DCDC1: variants seen among roughly 807,000 people sequenced by gnomAD.
The protein encoded by DCDC1 is doublecortin domain containing 1.
A neutral mutation model predicts 178.3 loss-of-function variants in DCDC1; 200 were observed. The ratio of observed to expected loss-of-function variants is 1.12; its 90% CI spans 1.00 to 1.26. The LOEUF (loss-of-function observed/expected upper bound fraction) is 1.26. DCDC1 is among the 50% of genes most tolerant of loss of function. The probability of loss-of-function intolerance (pLI) is 0.00; values close to 1 mark genes in which losing one functional copy is unlikely to be tolerated. For synonymous variants in DCDC1, 690 were observed against 604.8 expected, an observed-to-expected ratio of 1.14 and a Z score of -2.07; for missense variants, 1,983 against 1,749.2, an observed-to-expected ratio of 1.13 and a Z score of -2.38.
chr11:30,986,031 G>T (rs1950622826), intron 20 of DCDC1, among the ~76,000 whole-genome samples: 1 of 152,096 alleles, frequency 6.6e-6, no homozygotes, highest in South Asian at 2.1e-4. Flanking sequence ...CATGATAGAG[G>T]TATGTTTTTC....
intron 20 of DCDC1, among the ~76,000 whole-genome samples, chr11:31,055,449 C>A (rs911713667): frequency 6.6e-5 from 10 of 152,124 alleles, no homozygotes; most frequent in Admixed American, 3.3e-4. Context: ...TGTGGAGATT[C>A]CTTAAGAACT....
chr11:31,081,329 G>C (rs1201350014), intron 17 of DCDC1, among the ~76,000 whole-genome samples: 1 of 152,164 alleles, frequency 6.6e-6, no homozygotes, highest in African/African-American at 2.4e-5. Flanking sequence ...AAGAAATAAG[G>C]CCGGGCATGG....
chr11:31,127,264 T>C (rs1459467347), intron 11 of DCDC1, among the ~76,000 whole-genome samples: 1 of 152,226 alleles, frequency 6.6e-6, no homozygotes, highest in East Asian at 1.9e-4. Flanking sequence ...TTAAAGCTTA[T>C]AAATACACAT....
intron 13 of DCDC1, 58 bp from the exon 14 acceptor site, chr11:31,103,827 G>T: frequency 1.4e-6 from 1 of 738,134 alleles, no homozygotes; most frequent in South Asian, 1.5e-5. Context: ...ATTGTAATTT[G>T]AGCACAAATA....
chr11:31,042,663 A>G (rs564443296), intron 20 of DCDC1, among the ~76,000 whole-genome samples: 11 of 152,328 alleles, frequency 7.2e-5, no homozygotes, highest in African/African-American at 2.2e-4. Flanking sequence ...TACAACCCAT[A>G]GATATCAAAC....
At chr11:31,104,578 A>T (rs749379692) in intron 13 of DCDC1, among the ~76,000 whole-genome samples, 9 of 152,154 alleles carry the variant, frequency 5.9e-5, no homozygotes, top group Non-Finnish European at 1.3e-4. Flanking sequence ...AAGGAAGTAT[A>T]TTTGGATACT....
chr11:31,363,343 C>A (rs139615042), intron 1 of DCDC1, among the ~76,000 whole-genome samples: 1 of 152,124 alleles, frequency 6.6e-6, no homozygotes, highest in Admixed American at 6.5e-5. Flanking sequence ...TGACACTAAT[C>A]TTATTTTAAA....
chr11:30,879,105 G>A (rs1004330241), intron 37 of DCDC1, among the ~76,000 whole-genome samples: 1 of 152,032 alleles, frequency 6.6e-6, no homozygotes, highest in African/African-American at 2.4e-5. Flanking sequence ...AATAGCTTCT[G>A]GTTTGTTTTG....
At chr11:30,959,404 T>C (rs549690018) in intron 20 of DCDC1, among the ~76,000 whole-genome samples, 2 of 152,208 alleles carry the variant, frequency 1.3e-5, no homozygotes, top group East Asian at 3.9e-4. Flanking sequence ...ACATGTTCAG[T>C]GAAGATCTTA....
At chr11:31,283,782 T>C (rs1946620364) in intron 7 of DCDC1, among the ~76,000 whole-genome samples, 1 of 152,130 alleles carries the variant, frequency 6.6e-6, no homozygotes, top group Admixed American at 6.6e-5. Context: ...CATAAGCAAC[T>C]TAATAGTCAG....
At chr11:31,339,661 A>C (rs1301735782) in intron 1 of DCDC1, among the ~76,000 whole-genome samples, 2 of 152,206 alleles carry the variant, frequency 1.3e-5, no homozygotes, top group African/African-American at 4.8e-5. Context: ...GTAGGTATGC[A>C]ATAAATATTT....
intron 8 of DCDC1, 91 bp downstream of exon 8, chr11:31,265,415 AT>A (rs1318492491): frequency 3.6e-6 from 2 of 560,762 alleles, no homozygotes; most frequent in Non-Finnish European, 5.6e-6. Context: ...ATGTTTTATT[AT>A]ATGTTTTTCT....
At chr11:31,276,242 A>G (rs1315304828) in intron 7 of DCDC1, among the ~76,000 whole-genome samples, 1 of 152,262 alleles carries the variant, frequency 6.6e-6, no homozygotes, top group African/African-American at 2.4e-5. Flanking sequence ...AATAGATTAC[A>G]ACAGTATTCA....
rs78080880 is a variant in DCDC1 at position 30,962,278 on chromosome 11, G to T, written c.2592-9710C>A. ...TATTTTGTACAAACTAATAAATACA[G>T]TTGAAATTTGTTCATCTGCCTTATT... On this transcript the variant is annotated intron_variant, in intron 20 of 38. Coordinates refer to ENST00000684477, the MANE Select transcript of DCDC1 (RefSeq NM_001387274.1). 5.0e-3 allele frequency among the ~76,000 whole-genome samples: 753 copies of T among 152,020 alleles called. 14 individuals carry two copies. The highest frequency in any genetic ancestry group is 0.01 in the Middle Eastern group (3 of 294).
Position 30,996,414 on chromosome 11 carries a change from T to C in DCDC1, c.2592-43846A>G, listed in dbSNP as rs559876668. 3.0e-4 allele frequency among the ~76,000 whole-genome samples: 45 copies of C among 152,158 alleles called. 1 individual carries two copies. The South Asian group carries it at 8.5e-3, about 29-fold the overall frequency. ...AAAGTCAAACACACACAATATGCTA[T>C]GGTTTGGATGTTTTTGGCCCTTCAA... On this transcript the variant is annotated intron_variant, in intron 20 of 38. Coordinates refer to ENST00000684477, the MANE Select transcript of DCDC1 (RefSeq NM_001387274.1).
At chr11:31,109,560 A>G (rs1959066587) in intron 12 of DCDC1, among the ~76,000 whole-genome samples, 1 of 152,168 alleles carries the variant, frequency 6.6e-6, no homozygotes, top group African/African-American at 2.4e-5. Context: ...GATTGGCTGT[A>G]AAAGCCAGGT....
intron 9 of DCDC1, among the ~76,000 whole-genome samples, chr11:31,240,002 C>T (rs1174831766): frequency 6.6e-6 from 1 of 151,650 alleles, no homozygotes; most frequent in Non-Finnish European, 1.5e-5. Context: ...TGAAATAAAA[C>T]TTAGAAAATG....
intron 9 of DCDC1, among the ~76,000 whole-genome samples, chr11:31,173,769 C>CAT (rs143839445): frequency 2.0e-4 from 30 of 151,588 alleles, no homozygotes; most frequent in Non-Finnish European, 3.5e-4. Flanking sequence ...AACACACACA[C>CAT]ACCCCCACAT....
At chr11:31,367,346 GA>G (rs1310479953) in intron 1 of DCDC1, among the ~76,000 whole-genome samples, 1 of 152,122 alleles carries the variant, frequency 6.6e-6, no homozygotes, top group Non-Finnish European at 1.5e-5. Context: ...CAAGCTTTCA[GA>G]AAAGAAGTGT....
Sources: allele counts gnomAD v4.1 joint callset (sites outside exome capture counted in the v4.1 genomes callset), GRCh38; gene constraint gnomAD v4.1.1; transcripts MANE v1.5; gene names NCBI Gene and HGNC (gene_info 2026-07-23, HGNC 2026-07-21).